IGSF11: variants seen among roughly 807,000 people sequenced by gnomAD.
IGSF11 encodes the protein immunoglobulin superfamily member 11.
A neutral mutation model predicts 41.0 loss-of-function variants in IGSF11; 22 were observed. The ratio of observed to expected loss-of-function variants is 0.54; its 90% CI spans 0.38 to 0.77. The LOEUF is 0.77. Ranked by LOEUF, IGSF11 falls within the 30% of genes least tolerant of loss-of-function variation. The pLI is 0.00. For missense variants in IGSF11, 444 were observed against 530.8 expected (o/e 0.84, Z 1.61); for synonymous variants, 219 against 201.3 (o/e 1.09, Z -0.74).
chr3:118,982,804 C>T (rs1362103365), intron 1 of IGSF11, among the ~76,000 whole-genome samples: 1 of 152,156 alleles, frequency 6.6e-6, no homozygotes, highest in South Asian at 2.1e-4. Flanking sequence ...TCTACATAGG[C>T]TAGATTATGC....
chr3:119,126,191 C>T (rs2077403083), intron 1 of IGSF11, among the ~76,000 whole-genome samples: 1 of 152,224 alleles, frequency 6.6e-6, no homozygotes, highest in African/African-American at 2.4e-5. Context: ...CTGCTGGAGC[C>T]AGGGAGGCTG....
intron 1 of IGSF11, among the ~76,000 whole-genome samples, chr3:119,059,811 TACATA>T (rs1414097720): frequency 2.0e-5 from 3 of 152,100 alleles, no homozygotes; most frequent in South Asian, 2.1e-4. Flanking sequence ...AGGAAGCAAT[TACATA>T]ACATAAGTTT....
At chr3:118,920,411 C>A (rs189374220) in intron 4 of IGSF11, among the ~76,000 whole-genome samples, 2 of 151,650 alleles carry the variant, frequency 1.3e-5, no homozygotes, top group African/African-American at 4.8e-5. Context: ...TACCCATAAT[C>A]AATGATTTCA....
intron 5 of IGSF11, 126 bp downstream of exon 5, chr3:118,905,470 C>T: frequency 9.7e-7 from 1 of 1,027,884 alleles, no homozygotes; most frequent in Non-Finnish European, 1.4e-6. Flanking sequence ...TAATTAAAAC[C>T]AAAACAATTT....
At chr3:119,040,228 C>G (rs1339039981) in intron 1 of IGSF11, among the ~76,000 whole-genome samples, 2 of 152,196 alleles carry the variant, frequency 1.3e-5, no homozygotes, top group Admixed American at 1.3e-4. Context: ...CTCATTTGAT[C>G]TTGTGGCCCC....
At position 119,126,601 on chromosome 3, in the gene IGSF11, T is replaced by C. The variant is rs149949721; in HGVS notation, c.-14+19212A>G. On this transcript the variant is annotated intron_variant, in intron 1 of 7. Transcript: ENST00000425327. ...CCAACAGGGGTTGTCAGATACTCTA[T>C]ATAGGAACGATCCTACTGGCATCAG... Among the ~76,000 whole-genome samples the C allele has an allele frequency of 2.1e-3, 319 of 152,274 alleles. 1 individual carries two copies. The Middle Eastern group carries it at 0.044, about 21-fold the overall frequency.
chr3:118,996,851 G>A (rs891135115), intron 1 of IGSF11, among the ~76,000 whole-genome samples: 13 of 151,868 alleles, frequency 8.6e-5, no homozygotes, highest in African/African-American at 2.4e-4. Context: ...CGCCTGCCTC[G>A]GCCTCCCAAA....
chr3:119,100,511 T>A (rs2076923165), intron 1 of IGSF11, among the ~76,000 whole-genome samples: 1 of 152,220 alleles, frequency 6.6e-6, no homozygotes, highest in Admixed American at 6.5e-5. Context: ...GTTGCCTACT[T>A]GCCACATGTG....
At chr3:119,114,628 T>C (rs1342282080) in intron 1 of IGSF11, among the ~76,000 whole-genome samples, 8 of 152,232 alleles carry the variant, frequency 5.3e-5, no homozygotes, top group Non-Finnish European at 8.8e-5. Flanking sequence ...TTGGTTACAA[T>C]AGTTTAACAA....
rs950071989 is a variant in IGSF11 at position 119,132,845 on chromosome 3, A to G, written c.-14+12968T>C. Among the ~76,000 whole-genome samples the G allele has an allele frequency of 7.9e-5, 12 of 152,238 alleles. 1 individual carries two copies. The highest frequency in any genetic ancestry group is 2.9e-4 in the African/African-American group (12 of 41,472). On this transcript the variant is annotated intron_variant, in intron 1 of 7. Transcript: ENST00000425327. ...AGCACTCCTCAGCAAATGTAAAAAA[A>G]TGGAAATCACAACAAACTATCTCTC... is the stretch of plus-strand genomic sequence containing the variant.
At chr3:119,023,539 G>A (rs867102484) in intron 1 of IGSF11, among the ~76,000 whole-genome samples, 7 of 152,034 alleles carry the variant, frequency 4.6e-5, no homozygotes, top group South Asian at 2.1e-4. Flanking sequence ...GCACATGTAC[G>A]CACCCCCCAC....
chr3:118,935,953 C>T (rs750593928), intron 1 of IGSF11, among the ~76,000 whole-genome samples: 11 of 152,048 alleles, frequency 7.2e-5, no homozygotes, highest in East Asian at 3.9e-4. Context: ...ATGCAGAAGA[C>T]GAAATTAAGT....
intron 1 of IGSF11, among the ~76,000 whole-genome samples, chr3:119,000,083 T>C (rs1936666043): frequency 6.7e-6 from 1 of 149,800 alleles, no homozygotes; most frequent in Non-Finnish European, 1.5e-5. Context: ...TTTTTTTTTT[T>C]TTGGTGGTGT....
At chr3:118,937,315 G>A (rs1400426160) in intron 1 of IGSF11, among the ~76,000 whole-genome samples, 1 of 152,010 alleles carries the variant, frequency 6.6e-6, no homozygotes, top group African/African-American at 2.4e-5. Flanking sequence ...AGACTGACAT[G>A]AGTTCAAAAA....
upstream of IGSF11, among the ~76,000 whole-genome samples, chr3:119,109,512 G>A (rs377290829): frequency 1.2e-4 from 18 of 151,974 alleles, no homozygotes; most frequent in Admixed American, 7.9e-4. Context: ...AGTGGTCTAT[G>A]AATTTTGTTG....
chr3:119,039,339 T>G (rs905839307), upstream of IGSF11, among the ~76,000 whole-genome samples: 1 of 152,156 alleles, frequency 6.6e-6, no homozygotes, highest in African/African-American at 2.4e-5. Context: ...AGAGCCCACC[T>G]ACTTTCCTTG....
chr3:119,042,498 T>A lies in IGSF11; in HGVS notation c.49+62646A>T, dbSNP rs554428789. 5.9e-5 allele frequency among the ~76,000 whole-genome samples: 9 copies of A among 152,232 alleles called. No individual in the cohort carries two copies. The South Asian group carries it at 1.9e-3, about 32-fold the overall frequency. ...CTGGGTAAGGCCTGTCACTGCTGGC[T>A]TTCCCCCACTTCCCTGGTGACCTGT... is the stretch of plus-strand genomic sequence containing the variant. On this transcript the variant is annotated intron_variant, in intron 1 of 6. Transcript: ENST00000354673.
chr3:118,980,517 G>T (rs1377597126), intron 1 of IGSF11, among the ~76,000 whole-genome samples: 1 of 152,184 alleles, frequency 6.6e-6, no homozygotes, highest in African/African-American at 2.4e-5. Context: ...AGACTGGGAC[G>T]GATGTAAGGG....
intron 1 of IGSF11, among the ~76,000 whole-genome samples, chr3:119,044,669 T>G (rs1468193110): frequency 1.3e-5 from 2 of 152,312 alleles, no homozygotes; most frequent in East Asian, 3.9e-4. Flanking sequence ...TAAAACCATC[T>G]GGTAACCTGT....
Sources: allele counts gnomAD v4.1 joint callset (sites outside exome capture counted in the v4.1 genomes callset), GRCh38; gene constraint gnomAD v4.1.1; transcripts MANE v1.5; gene names NCBI Gene and HGNC (gene_info 2026-07-23, HGNC 2026-07-21).